Variants in KIAA1217 observed in about 807,000 individuals in gnomAD.
The protein encoded by KIAA1217 is KIAA1217, also known as sickle tail protein homolog.
A neutral mutation model predicts 163.9 loss-of-function variants in KIAA1217; 88 were observed. The ratio of observed to expected loss-of-function variants is 0.54; its 90% confidence interval spans 0.45 to 0.64. The LOEUF is 0.64. Among genes scored for constraint, KIAA1217 ranks in the 30% least tolerant of loss-of-function variants. The pLI is 0.00. For missense variants in KIAA1217, 2,372 were observed against 2,475.0 expected (o/e 0.96, Z 0.88); for synonymous variants, 903 against 923.1 (o/e 0.98, Z 0.39).
chr10:24,335,021 A>C (rs765795562), intron 2 of KIAA1217, among the ~76,000 whole-genome samples: 5 of 152,242 alleles, frequency 3.3e-5, no homozygotes, highest in Non-Finnish European at 7.3e-5. Flanking sequence ...GCCAAAAAGT[A>C]GAAACAACCC....
At chr10:24,284,998 T>C (rs2078397031) in intron 2 of KIAA1217, among the ~76,000 whole-genome samples, 1 of 152,232 alleles carries the variant, frequency 6.6e-6, no homozygotes, top group Non-Finnish European at 1.5e-5. Context: ...ATGATTAGCT[T>C]TTTTTCATAT....
At chr10:24,262,202 C>A (rs942461393) in intron 2 of KIAA1217, among the ~76,000 whole-genome samples, 1 of 152,148 alleles carries the variant, frequency 6.6e-6, no homozygotes, top group Non-Finnish European at 1.5e-5. Context: ...CACAGAGAAC[C>A]GCACAAGGAC....
chr10:24,397,479 A>G (rs544175001), intron 3 of KIAA1217, among the ~76,000 whole-genome samples: 1 of 152,318 alleles, frequency 6.6e-6, no homozygotes, highest in South Asian at 2.1e-4. Context: ...GGCGGTATCT[A>G]ACACACCAAC....
intron 2 of KIAA1217, among the ~76,000 whole-genome samples, chr10:24,347,938 A>G (rs550814934): frequency 1.3e-5 from 2 of 152,260 alleles, no homozygotes; most frequent in Non-Finnish European, 2.9e-5. Flanking sequence ...TTTAAGGTGA[A>G]TTAATGGAAT....
At chr10:23,793,315 T>C (rs1309422383) in intron 1 of KIAA1217, among the ~76,000 whole-genome samples, 3 of 152,182 alleles carry the variant, frequency 2.0e-5, no homozygotes, top group Non-Finnish European at 4.4e-5. Context: ...ATGAGATCCC[T>C]ATGCCACTCC....
chr10:24,443,693 T>A lies in KIAA1217; in HGVS notation c.846+5214T>A, dbSNP rs192434011. On this transcript the variant is annotated intron_variant, in intron 5 of 20. Transcript: ENST00000376454. ...ACTGTAAAAGACATCTTTAAAACTA[T>A]TTGGGAAATTTGAACATGTGTTAGG... Among the ~76,000 whole-genome samples, 10 of 152,230 alleles carry A rather than the reference T, an allele frequency of 6.6e-5. No individual in the cohort carries two copies. The East Asian group carries it at 1.9e-3, about 29-fold the overall frequency.
At chr10:24,496,854 C>CCT (rs1434748763) in intron 8 of KIAA1217, among the ~76,000 whole-genome samples, 1 of 152,180 alleles carries the variant, frequency 6.6e-6, no homozygotes, top group Non-Finnish European at 1.5e-5. Flanking sequence ...GGGAAAGGAG[C>CCT]CAGTGTCATT....
At chr10:24,441,807 G>A (rs1025917689) in intron 5 of KIAA1217, among the ~76,000 whole-genome samples, 1 of 152,082 alleles carries the variant, frequency 6.6e-6, no homozygotes, top group East Asian at 1.9e-4. Flanking sequence ...TGTACTCACA[G>A]GGTTTTAAAT....
chr10:23,928,142 G>GA, intron 1 of KIAA1217, among the ~76,000 whole-genome samples: 1 of 152,308 alleles, frequency 6.6e-6, no homozygotes, highest in African/African-American at 2.4e-5. Flanking sequence ...GTCCCTCTTT[G>GA]AGACATTGTG....
chr10:24,546,199 T>A lies in KIAA1217; in HGVS notation c.5707T>A (p.Ser1903Thr), dbSNP rs1418121410. The A allele has an allele frequency of 6.2e-7, 1 of 1,614,026 alleles. No homozygotes were observed. The highest frequency in any genetic ancestry group is 1.3e-5 in the African/African-American group (1 of 74,900). ...CTCCTCCCCTCCTTCTCCTGCCTCC[T>A]CCGTCTCACTGAATCAAGGTGCCAA... is the stretch of plus-strand genomic sequence containing the variant. ...FSSSPPSPAS[S>T]VSLNQGAKGT... is the part of the protein sequence containing the mutation. The change falls in exon 21 of 21, where the codon TCC becomes ACC. Residue 1903 changes from serine to threonine, a missense_variant. Ser to Thr is a moderately conservative substitution (Grantham distance 58, BLOSUM62 1). Transcript: ENST00000376454.
In KIAA1217 at chr10:23,803,405, G is replaced by A. The variant is rs76240040; in HGVS notation, c.-321+108171G>A. Among the ~76,000 whole-genome samples, 250 of 152,286 alleles carry A rather than the reference G, an allele frequency of 1.6e-3. 12 individuals are homozygous for A. The East Asian group carries it at 0.027, about 17-fold the overall frequency. On this transcript the variant is annotated intron_variant, in intron 1 of 18. Transcript: ENST00000376462. ...CAGGGGCAGCCCCCGTCCTATGACC[G>A]CTCAAGGCAGGGTGCCAGGGCCCAG...
intron 5 of KIAA1217, among the ~76,000 whole-genome samples, chr10:24,467,927 A>T (rs1300387607): frequency 6.6e-6 from 1 of 152,108 alleles, no homozygotes; most frequent in Non-Finnish European, 1.5e-5. Context: ...CCCAGTATGT[A>T]TTTAATGCCA....
intron 2 of KIAA1217, among the ~76,000 whole-genome samples, chr10:24,096,981 C>G (rs2062188987): frequency 6.6e-6 from 1 of 152,126 alleles, no homozygotes; most frequent in African/African-American, 2.4e-5. Flanking sequence ...TTAAGGTAAT[C>G]AGCTGAGTAA....
At chr10:23,874,753 G>A (rs191798359) in intron 1 of KIAA1217, among the ~76,000 whole-genome samples, 2 of 152,004 alleles carry the variant, frequency 1.3e-5, no homozygotes, top group African/African-American at 4.8e-5. Flanking sequence ...CTTCACTAAA[G>A]CATCCTGATT....
chr10:23,711,563 A>G (rs535655348), intron 1 of KIAA1217, among the ~76,000 whole-genome samples: 34 of 152,310 alleles, frequency 2.2e-4, no homozygotes, highest in African/African-American at 8.2e-4. Flanking sequence ...CTTTTGAGCT[A>G]GTAAGTGTGT....
At chr10:24,006,106 C>T (rs928997834) in intron 1 of KIAA1217, among the ~76,000 whole-genome samples, 1 of 152,080 alleles carries the variant, frequency 6.6e-6, no homozygotes, top group Non-Finnish European at 1.5e-5. Context: ...TTAAGTATGA[C>T]AATATTCATA....
chr10:23,702,666 TACACACACACACACACAC>T (rs377621544), intron 1 of KIAA1217, among the ~76,000 whole-genome samples: 20 of 134,422 alleles, frequency 1.5e-4, no homozygotes, highest in Non-Finnish European at 2.3e-4. Flanking sequence ...AACAGGAGAA[TACACACACACACACACAC>T]ACACACACAC....
At chr10:24,149,950 A>C (rs191458050) in intron 2 of KIAA1217, among the ~76,000 whole-genome samples, 47 of 152,348 alleles carry the variant, frequency 3.1e-4, no homozygotes, top group Admixed American at 3.1e-3. Flanking sequence ...TGTAAAATTG[A>C]GCCAGATGTG....
intron 1 of KIAA1217, among the ~76,000 whole-genome samples, chr10:23,882,624 A>C (rs545316571): frequency 1.3e-5 from 2 of 151,928 alleles, no homozygotes; most frequent in African/African-American, 4.8e-5. Flanking sequence ...AATCACCACA[A>C]TACTTAAAAA....
Sources: gnomAD v4.1 joint callset for allele counts (sites outside exome capture counted in the v4.1 genomes callset) on GRCh38, gnomAD v4.1.1 for gene constraint, MANE v1.5 for transcripts, NCBI Gene and HGNC (gene_info 2026-07-23, HGNC 2026-07-21) for gene names.